ARHGAP15: variants seen among roughly 807,000 people sequenced by gnomAD.
ARHGAP15 encodes the protein Rho GTPase activating protein 15.
Under a neutral mutation model 63.7 loss-of-function variants are expected in ARHGAP15, and 51 were observed. The ratio of observed to expected loss-of-function variants is 0.80; its 90% CI spans 0.64 to 1.01. The LOEUF (loss-of-function observed/expected upper bound fraction) is 1.01. Among genes scored for constraint, ARHGAP15 ranks in the 50% least tolerant of loss-of-function variants. The pLI, the probability that ARHGAP15 is intolerant of heterozygous loss-of-function variation, is 0.00. For synonymous variants in ARHGAP15, 191 were observed against 193.8 expected, an observed-to-expected ratio of 0.99 and a Z score of 0.12; for missense variants, 560 against 564.6, an observed-to-expected ratio of 0.99 and a Z score of 0.08.
intron 13 of ARHGAP15, among the ~76,000 whole-genome samples, chr2:143,755,360 C>T (rs895392036): frequency 2.0e-5 from 3 of 151,796 alleles, no homozygotes; most frequent in African/African-American, 7.3e-5. Context: ...TCTTTGTCTG[C>T]ATTTTCTAAA....
chr2:143,189,505 T>TC (rs1175662859), intron 2 of ARHGAP15, among the ~76,000 whole-genome samples: 7 of 145,260 alleles, frequency 4.8e-5, no homozygotes, highest in South Asian at 2.2e-4. Context: ...TTTCTTTCTT[T>TC]TTTTTTTTTT....
chr2:143,692,819 T>G (rs1305654293), intron 12 of ARHGAP15, among the ~76,000 whole-genome samples: 2 of 152,154 alleles, frequency 1.3e-5, no homozygotes, highest in Non-Finnish European at 2.9e-5. Context: ...CTGTTTCCTT[T>G]GAAGGAAATT....
chr2:143,204,536 A>C (rs1692251007), intron 3 of ARHGAP15, among the ~76,000 whole-genome samples: 1 of 152,042 alleles, frequency 6.6e-6, no homozygotes, highest in African/African-American at 2.4e-5. Context: ...CACCTTTATG[A>C]CCTAATTACC....
At chr2:143,168,282 ATCC>A (rs1690628389) in intron 2 of ARHGAP15, among the ~76,000 whole-genome samples, 2 of 152,016 alleles carry the variant, frequency 1.3e-5, no homozygotes, top group Admixed American at 1.3e-4. Flanking sequence ...AGTGCAAGCA[ATCC>A]TCCTGTTTCA....
chr2:143,182,745 G>T (rs1466125550), intron 2 of ARHGAP15, among the ~76,000 whole-genome samples: 2 of 152,166 alleles, frequency 1.3e-5, no homozygotes, highest in African/African-American at 4.8e-5. Context: ...TGGACTAGGT[G>T]CCTGGCAGTA....
At position 143,470,629 on chromosome 2, in the gene ARHGAP15, ATGTGTGTATATATG is replaced by A. The variant is rs1691475885; in HGVS notation, c.704-16730_704-16717del. On this transcript the variant is annotated intron_variant, in intron 8 of 13. Coordinates refer to ENST00000295095, the MANE Select transcript of ARHGAP15 (RefSeq NM_018460.4). Reference sequence around the variant, plus strand: ...TGTATATATGTGTATATATATACATATGTGTGTATATATGTGTGTGTATATATATACATGTATAT... The same window carrying A: ...TGTATATATGTGTATATATATACATATGTGTGTATATATATACATGTATAT... Among the ~76,000 whole-genome samples, 4 of 140,430 alleles carry A rather than the reference ATGTGTGTATATATG, an allele frequency of 2.8e-5. No individual in the cohort carries two copies. The South Asian group carries it at 1.0e-3, about 35-fold the overall frequency. The allele number at this position is 140,430 out of a possible 152,430, so 92.1% of individuals were successfully genotyped here. A position where few individuals can be genotyped will look rare whatever the true frequency, so the allele number is the denominator to read the frequency against.
chr2:143,182,276 T>A (rs984447144), intron 2 of ARHGAP15, among the ~76,000 whole-genome samples: 2 of 152,182 alleles, frequency 1.3e-5, no homozygotes, highest in African/African-American at 4.8e-5. Flanking sequence ...CTTAAGCACT[T>A]ACAGGCCATT....
At chr2:143,536,669 C>T (rs1694782195) in intron 10 of ARHGAP15, among the ~76,000 whole-genome samples, 2 of 152,012 alleles carry the variant, frequency 1.3e-5, no homozygotes, top group Admixed American at 6.6e-5. Flanking sequence ...TGATGGTTTC[C>T]ACCTTCATCC....
chr2:143,354,731 C>T (rs1685735019), intron 6 of ARHGAP15, among the ~76,000 whole-genome samples: 2 of 152,044 alleles, frequency 1.3e-5, no homozygotes, highest in Non-Finnish European at 2.9e-5. Flanking sequence ...ACAGTCGCGC[C>T]TGGAACGACT....
chr2:143,664,660 T>C (rs1209154825), intron 12 of ARHGAP15, among the ~76,000 whole-genome samples: 1 of 151,816 alleles, frequency 6.6e-6, no homozygotes, highest in Non-Finnish European at 1.5e-5. Flanking sequence ...ACAAAATTGA[T>C]AGACCACTAG....
intron 6 of ARHGAP15, among the ~76,000 whole-genome samples, chr2:143,275,972 T>C (rs1330086099): frequency 6.6e-6 from 1 of 152,210 alleles, no homozygotes; most frequent in Non-Finnish European, 1.5e-5. Flanking sequence ...GCAGCTTTGT[T>C]AGACAACTTT....
At chr2:143,413,954 T>C (rs1323307194) in intron 6 of ARHGAP15, among the ~76,000 whole-genome samples, 4 of 96,782 alleles carry the variant, frequency 4.1e-5, no homozygotes, top group African/African-American at 1.8e-4. Context: ...TGTGTGTGTG[T>C]GTGTGTGTGT....
intron 7 of ARHGAP15, among the ~76,000 whole-genome samples, chr2:143,436,657 A>T (rs913502133): frequency 2.6e-5 from 4 of 152,214 alleles, no homozygotes; most frequent in Non-Finnish European, 5.9e-5. Flanking sequence ...TAAGGATAAT[A>T]ATAATACCAC....
chr2:143,639,467 T>C (rs1680502366), intron 12 of ARHGAP15, among the ~76,000 whole-genome samples: 1 of 152,116 alleles, frequency 6.6e-6, no homozygotes, highest in Non-Finnish European at 1.5e-5. Flanking sequence ...CTAAAGGATA[T>C]GTAAATTTAT....
chr2:143,208,050 C>A (rs1381732809), intron 3 of ARHGAP15, among the ~76,000 whole-genome samples: 1 of 152,098 alleles, frequency 6.6e-6, no homozygotes, highest in Non-Finnish European at 1.5e-5. Flanking sequence ...GCTGTACCTA[C>A]CAGGATGAGC....
At chr2:143,365,012 AAAATAAATAAAT>A (rs34729404) in intron 6 of ARHGAP15, among the ~76,000 whole-genome samples, 1 of 151,470 alleles carries the variant, frequency 6.6e-6, no homozygotes, top group African/African-American at 2.4e-5. Flanking sequence ...TGTGGGAAAT[AAAATAAATAAAT>A]AAATAAATAA....
chr2:143,309,529 A>G (rs1040589592), intron 6 of ARHGAP15, among the ~76,000 whole-genome samples: 1 of 152,064 alleles, frequency 6.6e-6, no homozygotes, highest in African/African-American at 2.4e-5. Context: ...CACTCCACAA[A>G]TATGTTTTAA....
intron 10 of ARHGAP15, among the ~76,000 whole-genome samples, chr2:143,543,315 A>G (rs1003930253): frequency 1.3e-5 from 2 of 151,938 alleles, no homozygotes; most frequent in Non-Finnish European, 2.9e-5. Context: ...GCATTTTCCC[A>G]TTTACCTATT....
intron 11 of ARHGAP15, among the ~76,000 whole-genome samples, chr2:143,566,517 C>T (rs1047428378): frequency 6.6e-6 from 1 of 152,030 alleles, no homozygotes; most frequent in African/African-American, 2.4e-5. Flanking sequence ...GTGATGGGTT[C>T]AATGTGAATT....
Sources: allele counts gnomAD v4.1 joint callset (sites outside exome capture counted in the v4.1 genomes callset), GRCh38; gene constraint gnomAD v4.1.1; transcripts MANE v1.5; gene names NCBI Gene and HGNC (gene_info 2026-07-23, HGNC 2026-07-21).